HLTF: variants seen among roughly 807,000 people sequenced by gnomAD.
The protein encoded by HLTF is DNA-dependent ATPase/E3 ubiquitin-protein ligase HLTF.
A neutral mutation model predicts 129.4 loss-of-function variants in HLTF; 127 were observed. The ratio of observed to expected loss-of-function variants is 0.98; its 90% CI spans 0.85 to 1.14. The LOEUF (loss-of-function observed/expected upper bound fraction) is 1.14. Among genes scored for constraint, HLTF ranks in the 50% most tolerant of loss-of-function variants. HLTF has a pLI of 0.00. For missense variants in HLTF, 1,139 were observed against 1,187.1 expected (o/e 0.96, Z 0.60); for synonymous variants, 332 against 388.8 (o/e 0.85, Z 1.72).
chr3:149,062,107 C>T (rs1176079812), intron 10 of HLTF, among the ~76,000 whole-genome samples: 1 of 152,138 alleles, frequency 6.6e-6, no homozygotes, highest in African/African-American at 2.4e-5. Flanking sequence ...ATGCCTGTTT[C>T]CTCATAAGAA....
chr3:149,074,171 A>G (rs1236618035), intron 4 of HLTF, 44 bp downstream of exon 4: 1 of 1,562,812 alleles, frequency 6.4e-7, no homozygotes, highest in Non-Finnish European at 8.7e-7. Context: ...TAATCCCTGC[A>G]TCTTACAATA....
chr3:149,057,682 G>A (rs1044134302), intron 13 of HLTF, among the ~76,000 whole-genome samples: 1 of 152,096 alleles, frequency 6.6e-6, no homozygotes, highest in African/African-American at 2.4e-5. Flanking sequence ...TAATATTTTA[G>A]AACTGAAACT....
intron 3 of HLTF, among the ~76,000 whole-genome samples, chr3:149,075,154 A>G (rs930191828): frequency 2.0e-5 from 3 of 152,248 alleles, no homozygotes; most frequent in Non-Finnish European, 4.4e-5. Flanking sequence ...AGCTATTTCA[A>G]TAATTAGTAC....
chr3:149,033,696 G>T lies in HLTF; in HGVS notation c.2877+1222C>A, dbSNP rs537527887. Among the ~76,000 whole-genome samples, 3 of 152,010 alleles carry T rather than the reference G, an allele frequency of 2.0e-5. No individual in the cohort carries two copies. In the South Asian group the frequency reaches 6.3e-4, roughly 32 times the overall value. On this transcript the variant is annotated intron_variant, in intron 24 of 24. Coordinates refer to ENST00000310053, the MANE Select transcript of HLTF (RefSeq NM_003071.4). ...AAAAAATGATGTGACAGAACAAATCGTTCTTCATCTGATAAAATAATAAGC... is the reference window on the plus strand; with the variant it reads ...AAAAAATGATGTGACAGAACAAATCTTTCTTCATCTGATAAAATAATAAGC...
chr3:149,067,611 T>C (rs1173664868), intron 8 of HLTF, among the ~76,000 whole-genome samples: 3 of 152,018 alleles, frequency 2.0e-5, no homozygotes, highest in African/African-American at 7.2e-5. Context: ...CCAGCAATCC[T>C]CCTGCTTCAG....
intron 13 of HLTF, among the ~76,000 whole-genome samples, chr3:149,058,387 A>G (rs111707454): frequency 5.9e-5 from 9 of 152,280 alleles, no homozygotes; most frequent in African/African-American, 1.9e-4. Context: ...CATCTCCCCA[A>G]TAATTCTGAA....
At position 149,032,180 on chromosome 3, in the gene HLTF, T is replaced by A; in HGVS notation, c.*40A>T. 1.3e-5 allele frequency: 19 copies of A among 1,429,036 alleles called. No individual in the cohort carries two copies. Among genetic ancestry groups the A allele is most frequent in the Non-Finnish European group, 1.8e-5 (19 of 1,063,110 alleles). The allele number at this position is 1,429,036 out of a possible 1,614,324, so 88.5% of individuals were successfully genotyped here. A position where few individuals can be genotyped will look rare whatever the true frequency, so the allele number is the denominator to read the frequency against. ...CTGTATTTTTCTCATTTCTAAAACT[T>A]AAGTATCCAATCAAACTGACCTTAC... On this transcript the variant is annotated 3_prime_UTR_variant, in exon 25 of 25. Transcript: ENST00000310053.
In HLTF at chr3:149,082,905, A is replaced by C. The variant is rs552999647; in HGVS notation, c.228+1777T>G. On this transcript the variant is annotated intron_variant, in intron 2 of 24. Transcript: ENST00000310053. Reference sequence around the variant, plus strand: ...CAGAAACAAGTGTAGAAGATAAGTTATGGTTCTGGATGATAGACTTCAGAA... The same window carrying C: ...CAGAAACAAGTGTAGAAGATAAGTTCTGGTTCTGGATGATAGACTTCAGAA... Among the ~76,000 whole-genome samples, 3 of 152,286 alleles carry C rather than the reference A, an allele frequency of 2.0e-5. No individual in the cohort carries two copies. The South Asian group carries it at 6.2e-4, about 32-fold the overall frequency.
intron 2 of HLTF, among the ~76,000 whole-genome samples, chr3:149,080,896 A>G (rs1200013306): frequency 2.0e-5 from 3 of 152,364 alleles, no homozygotes; most frequent in Admixed American, 1.3e-4. Flanking sequence ...CATACCCCGC[A>G]TAACAACATT....
intron 20 of HLTF, among the ~76,000 whole-genome samples, chr3:149,041,270 G>T (rs1716112185): frequency 6.6e-6 from 1 of 152,100 alleles, no homozygotes; most frequent in African/African-American, 2.4e-5. Context: ...GAACAGCAAT[G>T]ATATAAACAG....
intron 2 of HLTF, among the ~76,000 whole-genome samples, chr3:149,084,330 A>C (rs908525128): frequency 2.6e-5 from 4 of 152,090 alleles, no homozygotes; most frequent in Non-Finnish European, 4.4e-5. Context: ...AAACATAAGA[A>C]ACATACGGAG....
chr3:149,067,046 CTATTT>C (rs1200884315), intron 8 of HLTF, among the ~76,000 whole-genome samples: 3 of 152,028 alleles, frequency 2.0e-5, no homozygotes, highest in African/African-American at 7.2e-5. Flanking sequence ...CTATTTCCTT[CTATTT>C]AAGTTACTTG....
At chr3:149,032,965 A>AG (rs1715248121) in intron 24 of HLTF, among the ~76,000 whole-genome samples, 1 of 138,860 alleles carries the variant, frequency 7.2e-6, no homozygotes, top group East Asian at 2.1e-4. Flanking sequence ...CTCAAAAAAA[A>AG]AAAAAAAAAA....
At chr3:149,071,087 C>T (rs960816263) in intron 7 of HLTF, among the ~76,000 whole-genome samples, 165 bp downstream of exon 7, 1 of 151,798 alleles carries the variant, frequency 6.6e-6, no homozygotes, top group African/African-American at 2.4e-5. Flanking sequence ...CTTTATACCA[C>T]TATTTTAACT....
chr3:149,055,552 T>G (rs1332381135), intron 13 of HLTF, 152 bp from the exon 14 acceptor site: 2 of 600,044 alleles, frequency 3.3e-6, no homozygotes, highest in African/African-American at 3.7e-5. Context: ...AAATTTTACC[T>G]CATCACTTAA....
chr3:149,051,713 T>C (rs1408990605), intron 14 of HLTF, among the ~76,000 whole-genome samples: 1 of 151,934 alleles, frequency 6.6e-6, no homozygotes, highest in Non-Finnish European at 1.5e-5. Flanking sequence ...ATACAAAAAT[T>C]AGCTGGGCAT....
intron 4 of HLTF, 97 bp downstream of exon 4, chr3:149,074,118 G>T: frequency 8.1e-7 from 1 of 1,238,008 alleles, no homozygotes; most frequent in Non-Finnish European, 1.1e-6. Context: ...GGAGCCTTGA[G>T]CACAAATTAG....
chr3:149,074,413 T>G, intron 3 of HLTF, 65 bp from the exon 4 acceptor site: 2 of 1,428,776 alleles, frequency 1.4e-6, no homozygotes, highest in Admixed American at 2.1e-5. Context: ...CACTAAGAAT[T>G]AGTTCAATAT....
chr3:149,057,059 G>A lies in HLTF; in HGVS notation c.1376-1659C>T, dbSNP rs559931921. Among the ~76,000 whole-genome samples the A allele has an allele frequency of 2.3e-5, 3 of 129,068 alleles. No homozygotes were observed. The South Asian group carries it at 7.9e-4, about 34-fold the overall frequency. 84.7% of individuals were successfully genotyped at this position (129,068 alleles called of 152,430 possible). A position where few individuals can be genotyped will look rare whatever the true frequency, so the allele number is the denominator to read the frequency against. ...CAGGGGGCGGAGCCTGCAGTGAGCC[G>A]AGATTGCGCCACTGCACTCCAGCCT... On this transcript the variant is annotated intron_variant, in intron 13 of 24. Coordinates refer to ENST00000310053, the MANE Select transcript of HLTF (RefSeq NM_003071.4).
Sources: gnomAD v4.1 joint callset for allele counts (sites outside exome capture counted in the v4.1 genomes callset) on GRCh38, gnomAD v4.1.1 for gene constraint, MANE v1.5 for transcripts, NCBI Gene and HGNC (gene_info 2026-07-23, HGNC 2026-07-21) for gene names.